CELF2: variants seen among roughly 807,000 people sequenced by gnomAD.
CELF2 encodes the protein CUG triplet repeat RNA-binding protein 2.
In CELF2, 8 loss-of-function variants were observed where a neutral mutation model predicts 62.6. The observed-to-expected ratio is 0.13, with a 90% CI of 0.07 to 0.23. The LOEUF (loss-of-function observed/expected upper bound fraction) is 0.23, where lower values mean the gene tolerates loss of function less well. CELF2 is among the 10% of genes least tolerant of loss of function. The pLI is 1.00. For missense variants in CELF2, 333 were observed against 671.0 expected (o/e 0.50, Z 5.56); for synonymous variants, 258 against 250.0 (o/e 1.03, Z -0.30).
At chr10:10,743,014 A>C in the CELF2 span, among the ~76,000 whole-genome samples, 1 of 152,206 alleles carries the variant, frequency 6.6e-6, no homozygotes, top group South Asian at 2.1e-4. Flanking sequence ...TCATTTATTC[A>C]TTGACTTAAC....
chr10:11,230,103 A>C (rs150649408), intron 3 of CELF2, among the ~76,000 whole-genome samples: 3 of 152,274 alleles, frequency 2.0e-5, no homozygotes, highest in Non-Finnish European at 4.4e-5. Context: ...AGCAGCAGTC[A>C]CGTCATCTGA....
chr10:10,882,686 G>A (rs1564763818), intron 1 of CELF2, among the ~76,000 whole-genome samples: 1 of 152,118 alleles, frequency 6.6e-6, no homozygotes, highest in Non-Finnish European at 1.5e-5. Context: ...ATGACAGTTT[G>A]CCTCATGTGA....
chr10:11,231,415 C>T (rs1274471450), intron 3 of CELF2, among the ~76,000 whole-genome samples: 2 of 152,164 alleles, frequency 1.3e-5, no homozygotes, highest in South Asian at 2.1e-4. Flanking sequence ...TTAGAAGATC[C>T]TTGTGGAACA....
chr10:11,120,421 G>GT (rs2057498220), intron 1 of CELF2, among the ~76,000 whole-genome samples: 2 of 152,136 alleles, frequency 1.3e-5, no homozygotes, highest in Non-Finnish European at 2.9e-5. Flanking sequence ...CATTTCACCT[G>GT]TTTCTATGAT....
chr10:10,813,119 A>G (rs1423194262), intron 1 of CELF2, among the ~76,000 whole-genome samples: 1 of 152,134 alleles, frequency 6.6e-6, no homozygotes, highest in Non-Finnish European at 1.5e-5. Context: ...ATTTTCTTTC[A>G]AGGCTCTTTT....
rs1294853561 is a variant in CELF2 at position 11,012,633 on chromosome 10, G to A, written c.53+7193G>A. Among the ~76,000 whole-genome samples, 5 of 152,122 alleles carry A rather than the reference G, an allele frequency of 3.3e-5. No homozygotes were observed. Among genetic ancestry groups the A allele is most frequent in the African/African-American group, 9.7e-5 (4 of 41,410 alleles). ...GTTCAGCTGTTGTAGTCTGTCAAGCGGTAATGTCTCCTTTTTCTAAAATTT... is the reference window on the plus strand; with the variant it reads ...GTTCAGCTGTTGTAGTCTGTCAAGCAGTAATGTCTCCTTTTTCTAAAATTT... On this transcript the variant is annotated intron_variant, in intron 1 of 12. Coordinates refer to the CELF2 transcript ENST00000416382. This position sits in a 1 kb window ranked among gnomAD's most constrained non-coding sequence, Gnocchi z 5.5.
At chr10:10,623,010 C>T in the CELF2 span, among the ~76,000 whole-genome samples, 3 of 136,292 alleles carry the variant, frequency 2.2e-5, no homozygotes, top group Non-Finnish European at 4.6e-5. Flanking sequence ...GGCCTGAACC[C>T]GGGAGGCGGA....
chr10:10,473,241 G>A, the CELF2 span, among the ~76,000 whole-genome samples: 1 of 151,984 alleles, frequency 6.6e-6, no homozygotes, highest in East Asian at 1.9e-4. Flanking sequence ...CAGAGACAGG[G>A]AGATGCATTG....
At chr10:11,094,489 G>T (rs563497796) in intron 1 of CELF2, among the ~76,000 whole-genome samples, 2 of 152,276 alleles carry the variant, frequency 1.3e-5, no homozygotes, top group South Asian at 4.1e-4. Flanking sequence ...CAGGTGACTT[G>T]AAATGGTTGA....
At chr10:10,691,485 A>T in the CELF2 span, among the ~76,000 whole-genome samples, 1 of 151,282 alleles carries the variant, frequency 6.6e-6, no homozygotes, top group Non-Finnish European at 1.5e-5. Context: ...ATGTGTCTTT[A>T]TAGCAGCATG....
At chr10:10,636,678 G>C in the CELF2 span, among the ~76,000 whole-genome samples, 6 of 152,238 alleles carry the variant, frequency 3.9e-5, no homozygotes, top group South Asian at 1.2e-3. Context: ...GTTTCTCTTT[G>C]ATTTCTGAGA....
chr10:11,017,397 C>T (rs2057394691), upstream of CELF2, among the ~76,000 whole-genome samples: 1 of 152,242 alleles, frequency 6.6e-6, no homozygotes, highest in Non-Finnish European at 1.5e-5. This position sits in a 1 kb window ranked among gnomAD's most constrained non-coding sequence, Gnocchi z 5.5. Context: ...GGTTTGTCTT[C>T]CTTAGGGCAC....
intron 1 of CELF2, among the ~76,000 whole-genome samples, chr10:10,864,228 T>C (rs1350156198): frequency 1.3e-5 from 2 of 151,074 alleles, no homozygotes; most frequent in African/African-American, 2.4e-5. Context: ...CAAATCACTT[T>C]AACATCAGGG....
chr10:10,773,955 A>G, the CELF2 span, among the ~76,000 whole-genome samples: 1 of 152,128 alleles, frequency 6.6e-6, no homozygotes, highest in Admixed American at 6.6e-5. Context: ...TTATCCTCCC[A>G]TCATTATCTT....
chr10:10,777,467 A>G, the CELF2 span, among the ~76,000 whole-genome samples: 2 of 151,708 alleles, frequency 1.3e-5, no homozygotes, highest in Admixed American at 6.6e-5. Context: ...TCACCCCTCT[A>G]TCTCCTTCAT....
At chr10:11,089,155 T>C (rs966674223) in intron 1 of CELF2, among the ~76,000 whole-genome samples, 4 of 152,142 alleles carry the variant, frequency 2.6e-5, no homozygotes, top group African/African-American at 9.7e-5. Context: ...GAGGAGAGGA[T>C]TGGACTCCCA....
the CELF2 span, among the ~76,000 whole-genome samples, chr10:10,570,475 A>G: frequency 6.6e-6 from 1 of 152,198 alleles, no homozygotes; most frequent in African/African-American, 2.4e-5. Flanking sequence ...AATGTTTAGG[A>G]TGTTCAAAGA....
intron 2 of CELF2, among the ~76,000 whole-genome samples, chr10:11,175,068 C>CA (rs896287424): frequency 1.3e-4 from 19 of 151,912 alleles, no homozygotes; most frequent in African/African-American, 4.6e-4. Context: ...GTCTGCCCCC[C>CA]CGCCCCAAAT....
At chr10:10,949,452 A>C (rs1404359129) in intron 2 of CELF2, among the ~76,000 whole-genome samples, 1 of 152,050 alleles carries the variant, frequency 6.6e-6, no homozygotes, top group Non-Finnish European at 1.5e-5. Flanking sequence ...GGGTGGCAGA[A>C]GCTTCTCAAG....
Sources: allele counts gnomAD v4.1 joint callset (sites outside exome capture counted in the v4.1 genomes callset), GRCh38; gene constraint gnomAD v4.1.1; non-coding constraint Gnocchi (gnomAD v3.1); transcripts MANE v1.5; gene names NCBI Gene and HGNC (gene_info 2026-07-23, HGNC 2026-07-21).